Variants in LYPD6 observed in about 807,000 individuals in gnomAD.
The protein encoded by LYPD6 is ly6/PLAUR domain-containing protein 6.
A neutral mutation model predicts 22.7 loss-of-function variants in LYPD6; 15 were observed. The ratio of observed to expected loss-of-function variants is 0.66; its 90% CI spans 0.44 to 1.02. LYPD6 has a LOEUF of 1.02. Among genes scored for constraint, LYPD6 ranks in the 50% least tolerant of loss-of-function variants. The probability of loss-of-function intolerance (pLI) is 0.00; values close to 1 mark genes in which losing one functional copy is unlikely to be tolerated. For missense variants in LYPD6, 189 were observed against 208.4 expected (o/e 0.91, Z 0.57); for synonymous variants, 72 against 77.5 (o/e 0.93, Z 0.37).
intron 1 of LYPD6, among the ~76,000 whole-genome samples, chr2:149,424,602 A>T (rs1396996515): frequency 1.3e-5 from 2 of 152,146 alleles, no homozygotes; most frequent in African/African-American, 4.8e-5. Flanking sequence ...GTGGTTTCTA[A>T]TTGATCTGGT....
intron 3 of LYPD6, among the ~76,000 whole-genome samples, chr2:149,461,703 C>A (rs1675107777): frequency 6.6e-6 from 1 of 151,912 alleles, no homozygotes; most frequent in African/African-American, 2.4e-5. Context: ...GAATTATGCA[C>A]CATGACAAAG....
chr2:149,468,575 T>C, intron 3 of LYPD6, 70 bp from the exon 4 acceptor site: 1 of 1,528,160 alleles, frequency 6.5e-7, no homozygotes, highest in East Asian at 2.3e-5. Flanking sequence ...ATGCTGACAC[T>C]CCTGTTATTT....
chr2:149,425,893 C>T (rs947248242), intron 1 of LYPD6, among the ~76,000 whole-genome samples: 35 of 152,294 alleles, frequency 2.3e-4, no homozygotes, highest in African/African-American at 8.2e-4. Flanking sequence ...TACCCTTTCA[C>T]AAAAATAAAA....
At chr2:149,388,020 T>C (rs1258982313) in intron 1 of LYPD6, among the ~76,000 whole-genome samples, 1 of 152,216 alleles carries the variant, frequency 6.6e-6, no homozygotes, top group East Asian at 1.9e-4. Flanking sequence ...GGAAAATGTA[T>C]TGTGACCCTC....
chr2:149,330,007 C>G (rs914992177), upstream of LYPD6: 2 of 152,248 alleles, frequency 1.3e-5, no homozygotes, highest in Admixed American at 6.5e-5. Context: ...AAGTGGTCTC[C>G]GCCTTCCCTG....
At chr2:149,414,468 T>TA (rs1682919361) in intron 1 of LYPD6, among the ~76,000 whole-genome samples, 2 of 152,214 alleles carry the variant, frequency 1.3e-5, no homozygotes, top group South Asian at 4.1e-4. Flanking sequence ...ATGGTACTAT[T>TA]CTTTGAAAAA....
At chr2:149,475,622 C>A (rs918268841), downstream of LYPD6, among the ~76,000 whole-genome samples, 1 of 152,114 alleles carries the variant, frequency 6.6e-6, no homozygotes, top group South Asian at 2.1e-4. Context: ...AATTTTAACT[C>A]CATTGCAATT....
At chr2:149,404,643 T>C (rs1259302746) in intron 1 of LYPD6, among the ~76,000 whole-genome samples, 1 of 152,192 alleles carries the variant, frequency 6.6e-6, no homozygotes, top group African/African-American at 2.4e-5. Flanking sequence ...GCTGAGACAG[T>C]GGGGTTTTCT....
chr2:149,358,247 A>G (rs1274358038), intron 1 of LYPD6, among the ~76,000 whole-genome samples: 1 of 152,204 alleles, frequency 6.6e-6, no homozygotes, highest in African/African-American at 2.4e-5. Context: ...TCTTCCTATT[A>G]TATTATCATA....
intron 1 of LYPD6, among the ~76,000 whole-genome samples, chr2:149,335,910 A>G (rs1681025957): frequency 6.6e-6 from 1 of 152,206 alleles, no homozygotes; most frequent in Admixed American, 6.5e-5. Flanking sequence ...TAGGCTATAC[A>G]TCTAGGCTTG....
chr2:149,356,099 T>C (rs1202891790), intron 1 of LYPD6, among the ~76,000 whole-genome samples: 2 of 151,720 alleles, frequency 1.3e-5, no homozygotes, highest in Non-Finnish European at 2.9e-5. Context: ...TTTTTTTTTT[T>C]CCTATTACCT....
downstream of LYPD6, among the ~76,000 whole-genome samples, chr2:149,478,399 T>TGTGTGTGTGTGTGTGTGTGC (rs1491190671): frequency 1.3e-5 from 2 of 150,086 alleles, no homozygotes; most frequent in South Asian, 4.2e-4. Context: ...TGTGTGTGTG[T>TGTGTGTGTGTGTGTGTGTGC]GCGCGCACGC....
At chr2:149,467,977 C>T (rs16827013) in intron 3 of LYPD6, among the ~76,000 whole-genome samples, 15,737 of 152,090 alleles carry the variant, frequency 0.1, 981 homozygotes, top group African/African-American at 0.17. Context: ...CCTAGGAAGA[C>T]ACTGAAATCA....
intron 1 of LYPD6, among the ~76,000 whole-genome samples, chr2:149,429,521 T>C (rs1393528789): frequency 1.3e-5 from 2 of 152,264 alleles, no homozygotes; most frequent in Non-Finnish European, 2.9e-5. Flanking sequence ...CAATGTGTTC[T>C]TAAAAATGCT....
intron 1 of LYPD6, among the ~76,000 whole-genome samples, chr2:149,335,755 G>T (rs1365342980): frequency 2.0e-5 from 3 of 151,940 alleles, no homozygotes; most frequent in Non-Finnish European, 4.4e-5. Context: ...CTTTTATACC[G>T]TATTTTTATG....
intron 1 of LYPD6, among the ~76,000 whole-genome samples, chr2:149,387,798 A>G (rs1473198217): frequency 1.3e-5 from 2 of 152,204 alleles, no homozygotes; most frequent in African/African-American, 4.8e-5. Context: ...GGGAACGTGT[A>G]CTTTTATCAA....
chr2:149,429,769 A>G (rs1208999665), intron 1 of LYPD6, among the ~76,000 whole-genome samples: 1 of 152,192 alleles, frequency 6.6e-6, no homozygotes, highest in Non-Finnish European at 1.5e-5. Flanking sequence ...AATAGAAGGG[A>G]GGAGCTGGGA....
chr2:149,432,634 G>T (rs530922390), intron 1 of LYPD6, among the ~76,000 whole-genome samples: 2 of 152,312 alleles, frequency 1.3e-5, no homozygotes, highest in Admixed American at 1.3e-4. Flanking sequence ...TTCTACCGTT[G>T]TGGTGTCATT....
intron 1 of LYPD6, among the ~76,000 whole-genome samples, chr2:149,398,443 GTGTGTA>G (rs1682475552): frequency 6.7e-6 from 1 of 148,904 alleles, no homozygotes; most frequent in African/African-American, 2.5e-5. Flanking sequence ...GTGTGTGTGT[GTGTGTA>G]TGTGTATGTG....
Sources: gnomAD v4.1 joint callset for allele counts (sites outside exome capture counted in the v4.1 genomes callset) on GRCh38, gnomAD v4.1.1 for gene constraint, MANE v1.5 for transcripts, NCBI Gene and HGNC (gene_info 2026-07-23, HGNC 2026-07-21) for gene names.